Variants in TNIK observed in about 807,000 individuals in gnomAD.
TNIK encodes the protein TRAF2 and NCK-interacting protein kinase.
TNIK carries 49 observed loss-of-function variants against 191.3 expected under a neutral mutation model. That is an observed-to-expected ratio of 0.26 (90% confidence interval 0.20 to 0.32). The LOEUF (loss-of-function observed/expected upper bound fraction) is 0.32, where lower values mean the gene tolerates loss of function less well. TNIK is among the 10% of genes least tolerant of loss of function. The pLI, the probability that TNIK is intolerant of heterozygous loss-of-function variation, is 1.00. For missense variants in TNIK, 1,155 were observed against 1,702.3 expected (o/e 0.68, Z 5.66); for synonymous variants, 594 against 600.9 (o/e 0.99, Z 0.17).
At chr3:171,270,815 G>A (rs1749001883) in intron 2 of TNIK, among the ~76,000 whole-genome samples, 1 of 152,024 alleles carries the variant, frequency 6.6e-6, no homozygotes, top group Admixed American at 6.6e-5. Flanking sequence ...TACATAATGG[G>A]GATAATAAAG....
chr3:171,293,835 T>C (rs1160417609), intron 2 of TNIK, among the ~76,000 whole-genome samples: 1 of 152,126 alleles, frequency 6.6e-6, no homozygotes, highest in African/African-American at 2.4e-5. Context: ...ATCCTAGCAC[T>C]TTAGGAGATC....
At chr3:171,264,343 C>A (rs1304573954) in intron 2 of TNIK, among the ~76,000 whole-genome samples, 1 of 151,812 alleles carries the variant, frequency 6.6e-6, no homozygotes, top group African/African-American at 2.4e-5. Flanking sequence ...AATACACACA[C>A]ACACACACAT....
At chr3:171,087,644 ATTTTAC>A in intron 23 of TNIK, 138 bp from the exon 24 acceptor site, 3 of 979,648 alleles carry the variant, frequency 3.1e-6, no homozygotes, top group South Asian at 3.5e-5. Context: ...TCACATTTCT[ATTTTAC>A]TTAAGAAAAC....
intron 3 of TNIK, among the ~76,000 whole-genome samples, chr3:171,222,436 T>A (rs576232263): frequency 6.6e-6 from 1 of 152,284 alleles, no homozygotes; most frequent in East Asian, 1.9e-4. Flanking sequence ...GCTTGGGACA[T>A]GATAAACAAT....
At chr3:171,452,028 G>T (rs9871630) in intron 1 of TNIK, among the ~76,000 whole-genome samples, 2 of 152,116 alleles carry the variant, frequency 1.3e-5, no homozygotes, top group East Asian at 3.8e-4. Context: ...TACTGCCAAG[G>T]TTCTAATTTC....
intron 2 of TNIK, among the ~76,000 whole-genome samples, chr3:171,245,710 T>TC (rs1221498821): frequency 6.6e-6 from 1 of 152,224 alleles, no homozygotes; most frequent in Non-Finnish European, 1.5e-5. Flanking sequence ...ATAGATCATC[T>TC]CATTTGCTTC....
intron 2 of TNIK, among the ~76,000 whole-genome samples, chr3:171,361,670 G>A (rs1436971796): frequency 6.6e-6 from 1 of 152,054 alleles, no homozygotes. Flanking sequence ...AAAGCCTGAG[G>A]ATGAAGAAGA....
At chr3:171,286,777 T>C (rs1405678511) in intron 2 of TNIK, among the ~76,000 whole-genome samples, 1 of 152,258 alleles carries the variant, frequency 6.6e-6, no homozygotes, top group Non-Finnish European at 1.5e-5. Context: ...GCCAGGGTTA[T>C]GCAAGGTACT....
Position 171,110,787 on chromosome 3 carries a change from G to C in TNIK, c.2211C>G (p.Ser737Arg), listed in dbSNP as rs769915449. 1 of 1,603,866 alleles carries C rather than the reference G, an allele frequency of 6.2e-7. No individual in the cohort carries two copies. The highest frequency in any genetic ancestry group is 8.5e-7 in the Non-Finnish European group (1 of 1,175,604). Residue 737 changes from serine to arginine, a missense_variant, in exon 19 of 33, where the codon AGC (serine) becomes AGG (arginine). Transcript: ENST00000436636. ...SGSSSSSSTP[S>R]SQPSSQGGSQ... is the part of the protein sequence containing the mutation. ...AGCCTCCTTGGGAGCTGGGCTGGGA[G>C]CTAGGGGTGCTGGAGCTGGAGGAAC...
chr3:171,101,027 TTGGTGGCAGTGG>T (rs781206906), intron 22 of TNIK, among the ~76,000 whole-genome samples: 26 of 152,130 alleles, frequency 1.7e-4, no homozygotes, highest in Non-Finnish European at 3.1e-4. Flanking sequence ...TCCTTGCTTG[TTGGTGGCAGTGG>T]TGGTAATGAA....
intron 11 of TNIK, among the ~76,000 whole-genome samples, chr3:171,160,526 T>G (rs1471749301): frequency 6.6e-6 from 1 of 151,684 alleles, no homozygotes; most frequent in Non-Finnish European, 1.5e-5. Flanking sequence ...TTCACATGTA[T>G]ACTGCATGGC....
At chr3:171,377,363 C>A (rs1373135452) in intron 1 of TNIK, among the ~76,000 whole-genome samples, 1 of 152,238 alleles carries the variant, frequency 6.6e-6, no homozygotes, top group Non-Finnish European at 1.5e-5. Context: ...AGCAGTGACA[C>A]TGCTTTAGAT....
At chr3:171,207,705 G>A (rs2108896768) in intron 4 of TNIK, among the ~76,000 whole-genome samples, 1 of 152,234 alleles carries the variant, frequency 6.6e-6, no homozygotes, top group East Asian at 1.9e-4. Flanking sequence ...CTGCTAAAAT[G>A]CTAAATTGTT....
chr3:171,392,519 C>A (rs1407727400), intron 1 of TNIK, among the ~76,000 whole-genome samples: 2 of 152,002 alleles, frequency 1.3e-5, no homozygotes, highest in Non-Finnish European at 2.9e-5. Context: ...AGTGGCTCGG[C>A]CTGAAGTCCC....
At chr3:171,220,133 A>C (rs1463122349) in intron 3 of TNIK, among the ~76,000 whole-genome samples, 5 of 152,178 alleles carry the variant, frequency 3.3e-5, no homozygotes, top group African/African-American at 7.2e-5. Flanking sequence ...TCAGCAAACT[A>C]ACACAAGAAC....
intron 2 of TNIK, among the ~76,000 whole-genome samples, chr3:171,303,079 C>A (rs1299197691): frequency 1.3e-5 from 2 of 152,116 alleles, no homozygotes; most frequent in Non-Finnish European, 2.9e-5. Context: ...ACCAACTTAC[C>A]CAACATTTAT....
intron 2 of TNIK, among the ~76,000 whole-genome samples, chr3:171,328,644 C>T (rs568159793): frequency 9.9e-5 from 15 of 152,194 alleles, no homozygotes; most frequent in Middle Eastern, 3.4e-3. Flanking sequence ...GGCATAAAGC[C>T]GAATGCCTGA....
At position 171,160,109 on chromosome 3, in the gene TNIK, A is replaced by G. The variant is rs575933264; in HGVS notation, c.1016+1161T>C. Among the ~76,000 whole-genome samples, 64 of 152,278 alleles carry G rather than the reference A, an allele frequency of 4.2e-4. 2 individuals are homozygous for G. Among genetic ancestry groups the G allele is most frequent in the African/African-American group, 1.4e-3 (60 of 41,550 alleles). Reference sequence around the variant, plus strand: ...TGCCTTTCAGGAATGTTCATTTTCTATGTCACTACTTGGCAGTCATCTTCT... The same window carrying G: ...TGCCTTTCAGGAATGTTCATTTTCTGTGTCACTACTTGGCAGTCATCTTCT... On this transcript the variant is annotated intron_variant, in intron 11 of 32. Coordinates refer to ENST00000436636, the MANE Select transcript of TNIK (RefSeq NM_015028.4).
rs149581059 is a variant in TNIK, at chr3:171,301,005, G to A, written c.123+68615C>T. ...AAAACTTTGGGTAAAGGTTTGGATC[G>A]GGAGAGTCACAGGGTCCTCAAAATA... On this transcript the variant is annotated intron_variant, in intron 2 of 32. Coordinates refer to ENST00000436636, the MANE Select transcript of TNIK (RefSeq NM_015028.4). Among the ~76,000 whole-genome samples the A allele has an allele frequency of 1.2e-4, 18 of 152,168 alleles. No individual in the cohort carries two copies. The East Asian group carries it at 3.3e-3, about 28-fold the overall frequency.
Sources: allele counts gnomAD v4.1 joint callset (sites outside exome capture counted in the v4.1 genomes callset), GRCh38; gene constraint gnomAD v4.1.1; transcripts MANE v1.5; gene names NCBI Gene and HGNC (gene_info 2026-07-23, HGNC 2026-07-21).